Variants in LNPEP observed in about 807,000 individuals in gnomAD.
LNPEP encodes the protein leucyl and cystinyl aminopeptidase.
LNPEP carries 64 observed loss-of-function variants against 120.6 expected under a neutral mutation model. That is an observed-to-expected ratio of 0.53 (90% CI 0.43 to 0.65). The LOEUF is 0.65. LNPEP is among the 30% of genes least tolerant of loss of function. The pLI is 0.00. For missense variants in LNPEP, 1,057 were observed against 1,200.0 expected (o/e 0.88, Z 1.76); for synonymous variants, 435 against 425.4 (o/e 1.02, Z -0.28).
At chr5:96,951,314 A>T (rs1048079352) in intron 1 of LNPEP, among the ~76,000 whole-genome samples, 2 of 151,814 alleles carry the variant, frequency 1.3e-5, no homozygotes, top group African/African-American at 2.4e-5. Flanking sequence ...GCTGGAGTGC[A>T]GTGGCGCGAT....
chr5:96,979,799 C>T lies in LNPEP; in HGVS notation c.681C>T (p.Ser227=). 4 of 1,613,912 alleles carry T rather than the reference C, an allele frequency of 2.5e-6. No individual in the cohort carries two copies. The highest frequency in any genetic ancestry group is 2.5e-6 in the Non-Finnish European group (3 of 1,179,892). The change falls in exon 2 of 18, where the codon AGC becomes AGT. Residue 227 remains serine, a synonymous_variant. Transcript: ENST00000231368. ...SRVTFMSAVS[S]QEKQAEILEY... ...TGACCTTTATGTCAGCAGTTTCAAG[C>T]CAAGAAAAACAAGCTGAGATCCTGG...
intron 4 of LNPEP, among the ~76,000 whole-genome samples, chr5:96,990,293 C>G (rs1230557024): frequency 6.6e-6 from 1 of 152,108 alleles, no homozygotes; most frequent in Non-Finnish European, 1.5e-5. Context: ...TAGGCGGTGA[C>G]TGAATTCAGT....
chr5:97,010,823 A>G, intron 11 of LNPEP: 2 of 985,418 alleles, frequency 2.0e-6, no homozygotes, highest in Non-Finnish European at 2.4e-6. Context: ...GGATGTAGTT[A>G]CTTCCCTTGT....
intron 11 of LNPEP, chr5:97,010,261 C>A: frequency 1.0e-6 from 1 of 961,778 alleles, no homozygotes; most frequent in Non-Finnish European, 1.2e-6. Context: ...AGGAGATTTT[C>A]GTATTAAATC....
chr5:96,970,889 T>A (rs1249292726), intron 1 of LNPEP, among the ~76,000 whole-genome samples: 2 of 152,056 alleles, frequency 1.3e-5, no homozygotes, highest in Non-Finnish European at 2.9e-5. Flanking sequence ...AGATAGTCTT[T>A]TAAGGAAATT....
At chr5:97,026,264 A>T (rs562194120) in intron 15 of LNPEP, among the ~76,000 whole-genome samples, 28 of 152,286 alleles carry the variant, frequency 1.8e-4, no homozygotes, top group African/African-American at 5.8e-4. Context: ...TAAGAATAGT[A>T]ATATAATTAA....
chr5:96,996,362 G>C, intron 6 of LNPEP, 28 bp from the exon 7 acceptor site: 1 of 1,231,278 alleles, frequency 8.1e-7, no homozygotes. Flanking sequence ...TAAATATCCT[G>C]TGGGTTAATT....
At chr5:96,958,054 T>C (rs987997899) in intron 1 of LNPEP, among the ~76,000 whole-genome samples, 11 of 152,244 alleles carry the variant, frequency 7.2e-5, no homozygotes, top group African/African-American at 2.2e-4. Context: ...GAATTTTACC[T>C]GTTGGCATTT....
chr5:97,022,858 A>G lies in LNPEP; in HGVS notation c.2561+374A>G, dbSNP rs563318042. Reference sequence around the variant, plus strand: ...TGTGTCCATGTGTTCTCATTGTTCAATTCCCACCTATGAGTGAGAACATGC... The same window carrying G: ...TGTGTCCATGTGTTCTCATTGTTCAGTTCCCACCTATGAGTGAGAACATGC... On this transcript the variant is annotated intron_variant, in intron 14 of 17. Coordinates refer to ENST00000231368, the MANE Select transcript of LNPEP (RefSeq NM_005575.3). 1.9e-4 allele frequency among the ~76,000 whole-genome samples: 26 copies of G among 138,806 alleles called. No individual in the cohort carries two copies. The East Asian group carries it at 4.8e-3, about 26-fold the overall frequency. The allele number at this position is 138,806 out of a possible 152,430, so 91.1% of individuals were successfully genotyped here.
At chr5:96,986,799 C>A in intron 4 of LNPEP, 129 bp downstream of exon 4, 1 of 800,010 alleles carries the variant, frequency 1.2e-6, no homozygotes, top group Non-Finnish European at 2.0e-6. Flanking sequence ...ACATTTTATA[C>A]CAGAAATGCT....
intron 4 of LNPEP, among the ~76,000 whole-genome samples, chr5:96,990,719 T>C (rs1790369625): frequency 6.6e-6 from 1 of 152,190 alleles, no homozygotes; most frequent in African/African-American, 2.4e-5. Context: ...AGCAGAGATT[T>C]GAACCCCAGC....
chr5:97,001,740 A>G (rs935441749), intron 8 of LNPEP, among the ~76,000 whole-genome samples: 19 of 152,286 alleles, frequency 1.2e-4, no homozygotes, highest in African/African-American at 4.3e-4. Flanking sequence ...GCAGCTCTCA[A>G]GGAGGAGCAG....
At position 97,015,083 on chromosome 5, in the gene LNPEP, C is replaced by A; in HGVS notation, c.2364C>A (p.Ala788=). The change falls in exon 13 of 18, where the codon GCC becomes GCA. Residue 788 remains alanine, a synonymous_variant. Transcript: ENST00000231368. ...LLEKLGYMDL[A]SRLVTRVFKL... ...AAAAACTGGGATACATGGATCTGGC[C>A]TCAAGACTGGTGGTAAGTCTGCCTT... 1.9e-6 allele frequency: 3 copies of A among 1,566,450 alleles called. No individual in the cohort carries two copies. The highest frequency in any genetic ancestry group is 1.3e-5 in the South Asian group (1 of 79,650).
intron 13 of LNPEP, among the ~76,000 whole-genome samples, chr5:97,015,750 A>G (rs953968170): frequency 6.6e-6 from 1 of 152,124 alleles, no homozygotes; most frequent in Non-Finnish European, 1.5e-5. Context: ...AGTTTGCTTT[A>G]TAAACTAGTG....
rs1789016266 is a variant in LNPEP, at chr5:96,940,040, T to C, written c.19+3866T>C. On this transcript the variant is annotated intron_variant, in intron 1 of 17. Coordinates refer to ENST00000231368, the MANE Select transcript of LNPEP (RefSeq NM_005575.3). The stretch of plus-strand genomic sequence containing the variant: ...ATATAAGTTAAATCCTGTTTTTATC[T>C]TTCTGTCTTAAGTTTTTAATTTTAT... Among the ~76,000 whole-genome samples the C allele has an allele frequency of 1.3e-5, 2 of 152,232 alleles. 1 individual carries two copies. The highest frequency in any genetic ancestry group is 4.1e-4 in the South Asian group (2 of 4,826).
Position 97,031,565 on chromosome 5 carries a change from A to G in LNPEP, c.*3032A>G, listed in dbSNP as rs958097093. The G allele has an allele frequency of 2.6e-5, 4 of 152,202 alleles. No homozygotes were observed. Among genetic ancestry groups the G allele is most frequent in the African/African-American group, 9.6e-5 (4 of 41,454 alleles). The allele number at this position is 152,202 out of a possible 1,614,324, so 9.4% of individuals were successfully genotyped here. A position where few individuals can be genotyped will look rare whatever the true frequency, so the allele number is the denominator to read the frequency against. On this transcript the variant is annotated 3_prime_UTR_variant, in exon 18 of 18. Coordinates refer to ENST00000231368, the MANE Select transcript of LNPEP (RefSeq NM_005575.3). ...GCTGCATCAGTATTATAGGATACCA[A>G]ACAGAATCCTTTCTATTAGGAAATA...
At chr5:96,953,057 G>A (rs578032041) in intron 1 of LNPEP, among the ~76,000 whole-genome samples, 1 of 152,244 alleles carries the variant, frequency 6.6e-6, no homozygotes, top group Admixed American at 6.5e-5. Flanking sequence ...GAATGACTAG[G>A]ATTGATCTGC....
chr5:96,965,069 T>C (rs1789695718), intron 1 of LNPEP, among the ~76,000 whole-genome samples: 1 of 152,160 alleles, frequency 6.6e-6, no homozygotes, highest in South Asian at 2.1e-4. Flanking sequence ...ATTTATCTTT[T>C]CTTTATGTTG....
At chr5:96,976,759 A>AC (rs1406088024) in intron 1 of LNPEP, among the ~76,000 whole-genome samples, 2 of 152,092 alleles carry the variant, frequency 1.3e-5, no homozygotes, top group African/African-American at 4.8e-5. Context: ...TTAAAAAAAA[A>AC]AATTAAGCTA....
Sources: gnomAD v4.1 joint callset for allele counts (sites outside exome capture counted in the v4.1 genomes callset) on GRCh38, gnomAD v4.1.1 for gene constraint, MANE v1.5 for transcripts, NCBI Gene and HGNC (gene_info 2026-07-23, HGNC 2026-07-21) for gene names.